CCDC88C: variants seen among roughly 807,000 people sequenced by gnomAD.
CCDC88C encodes coiled-coil and HOOK domain protein 88C.
In CCDC88C, 131 loss-of-function variants were observed where a neutral mutation model predicts 198.8. That is an observed-to-expected ratio of 0.66 (90% CI 0.57 to 0.76). The LOEUF (loss-of-function observed/expected upper bound fraction) is 0.76. CCDC88C is among the 30% of genes least tolerant of loss of function. The pLI is 0.00. For missense variants in CCDC88C, 2,553 were observed against 2,631.6 expected, an observed-to-expected ratio of 0.97 and a Z score of 0.65; for synonymous variants, 1,166 against 1,114.7, an observed-to-expected ratio of 1.05 and a Z score of -0.92.
At chr14:91,404,722 G>C (rs1025366955) in intron 3 of CCDC88C, among the ~76,000 whole-genome samples, 1 of 152,124 alleles carries the variant, frequency 6.6e-6, no homozygotes. Flanking sequence ...CCAGCACTTT[G>C]GGAGGCTGAG....
chr14:91,326,037 A>G lies in CCDC88C; in HGVS notation c.1070T>C (p.Ile357Thr), dbSNP rs958805195. ...CATGGCCTTGGTTTCAATTAAAATGATATTATCTTCTCTCAGCTCCTGGTT... is the reference window on the plus strand; with the variant it reads ...CATGGCCTTGGTTTCAATTAAAATGGTATTATCTTCTCTCAGCTCCTGGTT... ...ARMEELREDN[I>T]ILIETKAMLE... The change falls in exon 11 of 30, where the codon ATC becomes ACC. Residue 357 changes from isoleucine to threonine, a missense_variant. Around this residue, in one of 2 missense-constraint regions of CCDC88C, gnomAD observed 1,260 missense variants for 1,412.0 expected, o/e 0.89. Transcript: ENST00000389857. The G allele has an allele frequency of 1.2e-6, 2 of 1,609,400 alleles. No individual in the cohort carries two copies. The highest frequency in any genetic ancestry group is 4.5e-5 in the East Asian group (2 of 44,788).
chr14:91,293,287 T>C (rs1242555552), intron 23 of CCDC88C, among the ~76,000 whole-genome samples: 8 of 86,380 alleles, frequency 9.3e-5, no homozygotes, highest in South Asian at 4.9e-4. Context: ...CCGACCTTCC[T>C]GTCCCCTCAC....
Position 91,345,190 on chromosome 14 carries a change from A to ATATATATTTTTTTTT in CCDC88C, c.341-1534_341-1533insAAAAAAAAATATATA, listed in dbSNP as rs1246878587. ...TTTATATATATATATATATATATAT[A>ATATATATTTTTTTTT]TTTTTTTTTTTTTTTTTTTTGAGAC... is the stretch of plus-strand genomic sequence containing the variant. On this transcript the variant is annotated intron_variant, in intron 4 of 29. Coordinates refer to ENST00000389857, the MANE Select transcript of CCDC88C (RefSeq NM_001080414.4). Among the ~76,000 whole-genome samples, 72 of 52,196 alleles carry ATATATATTTTTTTTT rather than the reference A, an allele frequency of 1.4e-3. 2 individuals are homozygous for ATATATATTTTTTTTT. Among genetic ancestry groups the ATATATATTTTTTTTT allele is most frequent in the Non-Finnish European group, 1.6e-3 (46 of 29,308 alleles). 34.2% of individuals were successfully genotyped at this position (52,196 alleles called of 152,430 possible).
At position 91,338,302 on chromosome 14, in the gene CCDC88C, C is replaced by A; in HGVS notation, c.892-139G>T. 1 of 1,078,412 alleles carries A rather than the reference C, an allele frequency of 9.3e-7. No homozygotes were observed. Among genetic ancestry groups the A allele is most frequent in the East Asian group, 2.5e-5 (1 of 39,266 alleles). 66.8% of individuals were successfully genotyped at this position (1,078,412 alleles called of 1,614,324 possible). On this transcript the variant is annotated intron_variant, in intron 9 of 29. Transcript: ENST00000389857. This position sits in a 1 kb window ranked among gnomAD's most constrained non-coding sequence, Gnocchi z 4.8. The stretch of plus-strand genomic sequence containing the variant: ...CTGGTGGCCGGGGGCCTCCATGTGC[C>A]ACCACCACACGGGATCTCCACCTGC...
intron 3 of CCDC88C, among the ~76,000 whole-genome samples, chr14:91,389,257 C>T (rs1885336295): frequency 6.6e-6 from 1 of 152,174 alleles, no homozygotes. Context: ...AGGCTTCCTC[C>T]GAGTCCAAAC....
chr14:91,303,585 C>A, intron 20 of CCDC88C, 116 bp downstream of exon 20: 3 of 1,113,948 alleles, frequency 2.7e-6, no homozygotes, highest in South Asian at 1.6e-5. Context: ...CTTCCCCAGG[C>A]CCTGCCTCTC....
chr14:91,324,853 T>A lies in CCDC88C; in HGVS notation c.1268A>T (p.Lys423Met). 1 of 1,613,864 alleles carries A rather than the reference T, an allele frequency of 6.2e-7. No individual in the cohort carries two copies. Among genetic ancestry groups the A allele is most frequent in the Non-Finnish European group, 8.5e-7 (1 of 1,179,888 alleles). Reference sequence around the variant, plus strand: ...GTGGGCAGATTCGTTCATGCTCTGCTTCTGTGCAATCTCAAGGACCATGTT... The same window carrying A: ...GTGGGCAGATTCGTTCATGCTCTGCATCTGTGCAATCTCAAGGACCATGTT... ...EENMVLEIAQKQSMNESAHLG... is the reference protein window; with the variant it reads ...EENMVLEIAQMQSMNESAHLG... Residue 423 changes from lysine to methionine, a missense_variant, in exon 12 of 30, where the codon AAG (lysine) becomes ATG (methionine). Physicochemically the swap from Lys to Met is moderately conservative, Grantham distance 95. Around this residue, in one of 2 missense-constraint regions of CCDC88C, gnomAD observed 1,260 missense variants for 1,412.0 expected, o/e 0.89. Transcript: ENST00000389857.
intron 2 of CCDC88C, among the ~76,000 whole-genome samples, chr14:91,411,662 A>C (rs955888350): frequency 6.6e-6 from 1 of 152,074 alleles, no homozygotes; most frequent in Admixed American, 6.6e-5. Flanking sequence ...AAAAACTTCC[A>C]ACTAGAAAAA....
chr14:91,409,164 AAGAC>A (rs1886670386), intron 2 of CCDC88C, among the ~76,000 whole-genome samples: 1 of 148,142 alleles, frequency 6.8e-6, no homozygotes, highest in Non-Finnish European at 1.5e-5. Flanking sequence ...AATATCAAGA[AAGAC>A]AGAAGGAGAA....
rs773164145 is a variant in CCDC88C at position 91,299,999 on chromosome 14, G to A, written c.3707C>T (p.Ala1236Val). ...GTTTGTCCTCTGCTCCTGCTGCAGC[G>A]CCTCTCGCTCAGTGGTCAAGACCTT... is the stretch of plus-strand genomic sequence containing the variant. ...REKVLTTEREALQQEQRTNAL... is the reference protein window; with the variant it reads ...REKVLTTEREVLQQEQRTNAL... The change falls in exon 21 of 30, where the codon GCG becomes GTG. Residue 1236 changes from alanine to valine, a missense_variant. Around this residue, in one of 2 missense-constraint regions of CCDC88C, gnomAD observed 1,293 missense variants for 1,219.6 expected, o/e 1.06. Transcript: ENST00000389857. 15 of 1,598,614 alleles carry A rather than the reference G, an allele frequency of 9.4e-6. No individual in the cohort carries two copies. In the East Asian group the frequency reaches 1.8e-4, roughly 19 times the overall value.
At chr14:91,394,775 C>T (rs1431224746) in intron 3 of CCDC88C, among the ~76,000 whole-genome samples, 2 of 152,180 alleles carry the variant, frequency 1.3e-5, no homozygotes, top group African/African-American at 4.8e-5. Context: ...AACGATCATA[C>T]AGGAGAAAAA....
chr14:91,289,766 G>A (rs1463738295), intron 24 of CCDC88C, among the ~76,000 whole-genome samples: 3 of 152,164 alleles, frequency 2.0e-5, no homozygotes, highest in Admixed American at 1.3e-4. Flanking sequence ...GGAGAGGGCA[G>A]AGGAGAGCAG....
intron 4 of CCDC88C, among the ~76,000 whole-genome samples, chr14:91,355,261 C>T (rs1366437184): frequency 3.3e-5 from 5 of 152,084 alleles, no homozygotes; most frequent in Non-Finnish European, 7.4e-5. Flanking sequence ...CAGGCGACAG[C>T]GCAGACACGG....
intron 3 of CCDC88C, among the ~76,000 whole-genome samples, chr14:91,396,297 C>T (rs1167850721): frequency 6.6e-6 from 1 of 152,196 alleles, no homozygotes; most frequent in East Asian, 1.9e-4. Flanking sequence ...TGGCATCTAA[C>T]ACCAAACCCA....
chr14:91,352,461 A>T lies in CCDC88C; in HGVS notation c.340+7181T>A, dbSNP rs1893858277. ...GATCCAACAAGCAGCACAGAAGCAAAGAAGCAGGATAGAAACGGGGTAGTT... is the reference window on the plus strand; with the variant it reads ...GATCCAACAAGCAGCACAGAAGCAATGAAGCAGGATAGAAACGGGGTAGTT... On this transcript the variant is annotated intron_variant, in intron 4 of 29. Coordinates refer to ENST00000389857, the MANE Select transcript of CCDC88C (RefSeq NM_001080414.4). This position sits in a 1 kb window ranked among gnomAD's most constrained non-coding sequence, Gnocchi z 4.2. Among the ~76,000 whole-genome samples, 1 of 152,230 alleles carries T rather than the reference A, an allele frequency of 6.6e-6. No individual in the cohort carries two copies. The highest frequency in any genetic ancestry group is 1.5e-5 in the Non-Finnish European group (1 of 68,038).
intron 3 of CCDC88C, among the ~76,000 whole-genome samples, chr14:91,385,289 G>C (rs185121268): frequency 6.6e-6 from 1 of 152,266 alleles, no homozygotes; most frequent in East Asian, 1.9e-4. Flanking sequence ...CCCAGACCCA[G>C]GGTTCTCTCA....
chr14:91,413,763 G>A (rs1238585744), intron 2 of CCDC88C, among the ~76,000 whole-genome samples: 1 of 152,190 alleles, frequency 6.6e-6, no homozygotes, highest in African/African-American at 2.4e-5. Flanking sequence ...ACAATGGCCA[G>A]GTGCAGTCAC....
chr14:91,303,189 C>T (rs1031919569), intron 20 of CCDC88C, among the ~76,000 whole-genome samples: 2 of 151,916 alleles, frequency 1.3e-5, no homozygotes, highest in African/African-American at 4.8e-5. Context: ...GCAGGCCTAC[C>T]CAGGGGCCCC....
chr14:91,285,935 A>C, intron 25 of CCDC88C: 1 of 659,402 alleles, frequency 1.5e-6, no homozygotes, highest in South Asian at 1.8e-5. Context: ...AATTAGCTAA[A>C]TGTACTTAAG....
Sources: allele counts gnomAD v4.1 joint callset (sites outside exome capture counted in the v4.1 genomes callset), GRCh38; gene constraint gnomAD v4.1.1; regional missense constraint gnomAD v4.1.1; non-coding constraint Gnocchi (gnomAD v3.1); transcripts MANE v1.5; gene names NCBI Gene and HGNC (gene_info 2026-07-23, HGNC 2026-07-21).